KATNAL1: variants seen among roughly 807,000 people sequenced by gnomAD.
KATNAL1 encodes katanin catalytic subunit A1 like 1.
In KATNAL1, 32 loss-of-function variants were observed where a neutral mutation model predicts 55.2. The observed-to-expected ratio is 0.58, with a 90% confidence interval of 0.44 to 0.78. The LOEUF is 0.78. Ranked by LOEUF, KATNAL1 falls within the 30% of genes least tolerant of loss-of-function variation. KATNAL1 has a pLI of 0.00. For synonymous variants in KATNAL1, 193 were observed against 193.6 expected (o/e 1.00, Z 0.02); for missense variants, 466 against 600.9 (o/e 0.78, Z 2.35).
rs751295844 is a variant in KATNAL1, at chr13:30,210,395, A to T, written c.1195T>A (p.Leu399Ile). Reference protein sequence around the residue: ...LLKINLREVELDPDIQLEDIA... With the variant: ...LLKINLREVEIDPDIQLEDIA... ...TCTTCCAGTTGAATATCAGGATCTA[A>T]TTCGACCTCACGAAGGTTGATCTTC... Residue 399 changes from leucine to isoleucine, a missense_variant, in exon 10 of 11, where the codon TTA becomes ATA. By Grantham distance (5) the Leu-to-Ile change is conservative. This residue lies in a region of KATNAL1 where 213 missense variants were observed against 308.6 expected (regional missense o/e 0.69). Coordinates refer to ENST00000380615, the MANE Select transcript of KATNAL1 (RefSeq NM_032116.5). The T allele has an allele frequency of 3.4e-5, 54 of 1,607,200 alleles. No individual in the cohort carries two copies. Among genetic ancestry groups the T allele is most frequent in the Non-Finnish European group, 4.4e-5 (52 of 1,177,206 alleles).
At position 30,214,328 on chromosome 13, in the gene KATNAL1, G is replaced by A. The variant is rs1483690661; in HGVS notation, c.1148-3886C>T. On this transcript the variant is annotated intron_variant, in intron 9 of 10. Transcript: ENST00000380615. The stretch of plus-strand genomic sequence containing the variant: ...CTCATGGGTAGGAAGAATCAATATC[G>A]TGAAAATGGCCATACTGCCCAAGGT... Among the ~76,000 whole-genome samples the A allele has an allele frequency of 8.5e-5, 13 of 152,050 alleles. No homozygotes were observed. The East Asian group carries it at 2.3e-3, about 27-fold the overall frequency.
intron 6 of KATNAL1, among the ~76,000 whole-genome samples, chr13:30,236,088 T>C (rs1464044227): frequency 6.6e-6 from 1 of 152,146 alleles, no homozygotes; most frequent in Non-Finnish European, 1.5e-5. Context: ...GGAGGGGCTG[T>C]CTTGTTGTCT....
rs192884977 is a variant in KATNAL1 at position 30,205,099 on chromosome 13, C to T, written c.*3441G>A. The T allele has an allele frequency of 6.6e-6, 1 of 152,264 alleles. No homozygotes were observed. The highest frequency in any genetic ancestry group is 6.5e-5 in the Admixed American group (1 of 15,298). 9.4% of individuals were successfully genotyped at this position (152,264 alleles called of 1,614,324 possible). On this transcript the variant is annotated 3_prime_UTR_variant, in exon 11 of 11. Transcript: ENST00000380615. ...CATTAAAATAGATCCATAATAGTTACACATTATTCAAATAAATGTATATCA... is the reference window on the plus strand; with the variant it reads ...CATTAAAATAGATCCATAATAGTTATACATTATTCAAATAAATGTATATCA...
chr13:30,220,998 G>A (rs1218244377), intron 9 of KATNAL1, among the ~76,000 whole-genome samples: 2 of 152,104 alleles, frequency 1.3e-5, no homozygotes, highest in Middle Eastern at 3.4e-3. Flanking sequence ...AACACCCAGC[G>A]AAATAAAGCA....
At chr13:30,273,719 T>C (rs1487558912) in intron 3 of KATNAL1, among the ~76,000 whole-genome samples, 2 of 152,234 alleles carry the variant, frequency 1.3e-5, no homozygotes, top group African/African-American at 4.8e-5. Flanking sequence ...AATCTGCCAA[T>C]AGTATTAGGC....
intron 6 of KATNAL1, among the ~76,000 whole-genome samples, chr13:30,234,523 G>C (rs1400849771): frequency 6.6e-6 from 1 of 151,976 alleles, no homozygotes; most frequent in Non-Finnish European, 1.5e-5. Flanking sequence ...CTGCTCTCTG[G>C]CTATGTTCAC....
At chr13:30,290,112 C>T (rs1009449458) in intron 1 of KATNAL1, among the ~76,000 whole-genome samples, 1 of 152,078 alleles carries the variant, frequency 6.6e-6, no homozygotes, top group African/African-American at 2.4e-5. Context: ...TGCAGTTTGC[C>T]GACTCTTGCT....
At chr13:30,235,319 C>G (rs1392653875) in intron 6 of KATNAL1, among the ~76,000 whole-genome samples, 1 of 152,128 alleles carries the variant, frequency 6.6e-6, no homozygotes, top group Non-Finnish European at 1.5e-5. Context: ...TGAAAAGGAG[C>G]CAGCAGCATG....
intron 10 of KATNAL1, 70 bp from the exon 11 acceptor site, chr13:30,208,808 G>C: frequency 9.7e-7 from 1 of 1,031,654 alleles, no homozygotes; most frequent in Non-Finnish European, 1.4e-6. Context: ...TTGTAACAAA[G>C]TTATGAAAAA....
rs146511421 is a variant in KATNAL1, at chr13:30,286,112, T to C, written c.-14-2321A>G. Reference sequence around the variant, plus strand: ...GCAGTGAATAGAGGTTTAGAAAATGTGTAGCCTGACAATGCAATAGAAAAG... The same window carrying C: ...GCAGTGAATAGAGGTTTAGAAAATGCGTAGCCTGACAATGCAATAGAAAAG... On this transcript the variant is annotated intron_variant, in intron 1 of 10. Transcript: ENST00000380615. Among the ~76,000 whole-genome samples the C allele has an allele frequency of 2.0e-5, 3 of 152,332 alleles. No homozygotes were observed. In the East Asian group the frequency reaches 5.8e-4, roughly 29 times the overall value.
chr13:30,264,607 AC>A (rs1879591415), intron 3 of KATNAL1, among the ~76,000 whole-genome samples: 1 of 150,410 alleles, frequency 6.6e-6, no homozygotes, highest in African/African-American at 2.5e-5. Flanking sequence ...ATGCAGCCAA[AC>A]AACACATGAA....
intron 3 of KATNAL1, among the ~76,000 whole-genome samples, chr13:30,258,717 T>G (rs1291019269): frequency 6.6e-6 from 1 of 152,232 alleles, no homozygotes; most frequent in African/African-American, 2.4e-5. Flanking sequence ...GGTTATTTTA[T>G]ATTAATTTTT....
At chr13:30,208,985 A>G (rs1873407573) in intron 10 of KATNAL1, among the ~76,000 whole-genome samples, 1 of 152,198 alleles carries the variant, frequency 6.6e-6, no homozygotes, top group African/African-American at 2.4e-5. Context: ...AATAGTACTG[A>G]ATTTTCTTTT....
At chr13:30,251,957 C>T (rs1371423179) in intron 4 of KATNAL1, among the ~76,000 whole-genome samples, 1 of 152,084 alleles carries the variant, frequency 6.6e-6, no homozygotes, top group African/African-American at 2.4e-5. Flanking sequence ...AAGCTTGGAT[C>T]TAACCTGAAG....
chr13:30,212,663 C>T (rs1873802583), intron 9 of KATNAL1, among the ~76,000 whole-genome samples: 2 of 152,232 alleles, frequency 1.3e-5, no homozygotes, highest in South Asian at 4.1e-4. Context: ...GGATGGAATG[C>T]TCCATTCTGG....
At chr13:30,259,304 C>A (rs747415234) in intron 3 of KATNAL1, among the ~76,000 whole-genome samples, 1 of 151,710 alleles carries the variant, frequency 6.6e-6, no homozygotes, top group Non-Finnish European at 1.5e-5. Flanking sequence ...CGTGCCACTG[C>A]ATTCCAGCCT....
rs149828549 is a variant in KATNAL1, at chr13:30,227,353, G to C, written c.1147+59C>G. Reference sequence around the variant, plus strand: ...AGAATGGCAATGGAATAAAGATTTAGATACATGGGAAAGGTAACAAAAAGT... The same window carrying C: ...AGAATGGCAATGGAATAAAGATTTACATACATGGGAAAGGTAACAAAAAGT... On this transcript the variant is annotated intron_variant, in intron 9 of 10. Coordinates refer to ENST00000380615, the MANE Select transcript of KATNAL1 (RefSeq NM_032116.5). The C allele has an allele frequency of 5.4e-4, 825 of 1,525,958 alleles. 5 individuals are homozygous for C. In the African/African-American group the frequency reaches 0.01, roughly 19 times the overall value. 94.5% of individuals were successfully genotyped at this position (1,525,958 alleles called of 1,614,324 possible). A position where few individuals can be genotyped will look rare whatever the true frequency, so the allele number is the denominator to read the frequency against.
intron 1 of KATNAL1, among the ~76,000 whole-genome samples, chr13:30,287,794 C>A (rs1204043545): frequency 6.6e-6 from 1 of 152,096 alleles, no homozygotes; most frequent in Admixed American, 6.5e-5. Flanking sequence ...CAAATACAGA[C>A]ACAAAACTAT....
intron 3 of KATNAL1, among the ~76,000 whole-genome samples, chr13:30,260,598 T>C (rs1879197925): frequency 6.6e-6 from 1 of 151,688 alleles, no homozygotes; most frequent in African/African-American, 2.4e-5. Context: ...GCCGATGAGA[T>C]CAACTGGAAG....
Sources: gnomAD v4.1 joint callset for allele counts (sites outside exome capture counted in the v4.1 genomes callset) on GRCh38, gnomAD v4.1.1 for gene constraint, gnomAD v4.1.1 regional missense constraint, MANE v1.5 for transcripts, NCBI Gene and HGNC (gene_info 2026-07-23, HGNC 2026-07-21) for gene names.